Variants in DLG2 observed in about 807,000 individuals in gnomAD.
DLG2 encodes disks large homolog 2.
DLG2 carries 45 observed loss-of-function variants against 132.5 expected under a neutral mutation model. The observed-to-expected ratio is 0.34, with a 90% CI of 0.27 to 0.44. DLG2 has a LOEUF of 0.44. Ranked by LOEUF, DLG2 falls within the 20% of genes least tolerant of loss-of-function variation. The pLI is 1.00. For missense variants in DLG2, 1,045 were observed against 1,196.9 expected (o/e 0.87, Z 1.87); for synonymous variants, 424 against 419.6 (o/e 1.01, Z -0.13).
chr11:84,706,418 T>A (rs1204903894), intron 6 of DLG2, among the ~76,000 whole-genome samples: 1 of 151,790 alleles, frequency 6.6e-6, no homozygotes, highest in African/African-American at 2.4e-5. Flanking sequence ...ACTTTAGACA[T>A]ACTGTATAAA....
intron 3 of DLG2, among the ~76,000 whole-genome samples, chr11:85,287,018 G>A (rs1362545955): frequency 6.6e-6 from 1 of 151,930 alleles, no homozygotes; most frequent in Non-Finnish European, 1.5e-5. Context: ...ACCTAGTATT[G>A]GATTATAACA....
intron 7 of DLG2, among the ~76,000 whole-genome samples, chr11:84,429,718 T>A (rs2098978237): frequency 2.6e-5 from 4 of 152,356 alleles, no homozygotes; most frequent in South Asian, 4.1e-4. Flanking sequence ...GATTATCTGA[T>A]TATCAAATTT....
chr11:84,780,671 T>C (rs926617826), intron 6 of DLG2, among the ~76,000 whole-genome samples: 21 of 152,078 alleles, frequency 1.4e-4, no homozygotes, highest in African/African-American at 5.1e-4. Flanking sequence ...AATAGGTATG[T>C]GGTGACATCT....
intron 6 of DLG2, chr11:84,640,487 TAAAAAC>T (rs928594538): frequency 8.7e-6 from 4 of 460,196 alleles, no homozygotes; most frequent in Non-Finnish European, 1.5e-5. Context: ...CCACAACAGT[TAAAAAC>T]AAAGATATCA....
At chr11:83,894,197 C>T (rs2070859239) in intron 15 of DLG2, among the ~76,000 whole-genome samples, 1 of 152,164 alleles carries the variant, frequency 6.6e-6, no homozygotes, top group African/African-American at 2.4e-5. Context: ...TCTGTATCTA[C>T]TGAAATTCAG....
At chr11:85,380,811 C>T (rs2085823246) in intron 3 of DLG2, among the ~76,000 whole-genome samples, 1 of 152,170 alleles carries the variant, frequency 6.6e-6, no homozygotes. Context: ...GGAATGACAA[C>T]ACTTATAGGA....
In DLG2 at chr11:83,483,487, A is replaced by C. The variant is rs188776646; in HGVS notation, c.2293+642T>G. Among the ~76,000 whole-genome samples, 415 of 152,272 alleles carry C rather than the reference A, an allele frequency of 2.7e-3. 1 individual carries two copies. The highest frequency in any genetic ancestry group is 6.8e-3 in the Admixed American group (104 of 15,282). ...TCCTTGAGCTGAGATTCAAGAAGGA[A>C]ATTTCTGATTTGCAGAGCAACTCAA... On this transcript the variant is annotated intron_variant, in intron 22 of 27. Transcript: ENST00000376104.
chr11:84,774,581 G>A (rs546213315), intron 6 of DLG2, among the ~76,000 whole-genome samples: 5 of 152,218 alleles, frequency 3.3e-5, no homozygotes, highest in Middle Eastern at 3.4e-3. Flanking sequence ...AAACAGTATG[G>A]CACTGGTACA....
chr11:83,498,199 T>C (rs1196919453), intron 21 of DLG2, among the ~76,000 whole-genome samples: 2 of 152,142 alleles, frequency 1.3e-5, no homozygotes, highest in Non-Finnish European at 2.9e-5. Flanking sequence ...TATTATTTAA[T>C]CTCTGAGCCT....
chr11:84,426,367 T>C (rs2098966634), intron 7 of DLG2, among the ~76,000 whole-genome samples: 1 of 152,134 alleles, frequency 6.6e-6, no homozygotes, highest in South Asian at 2.1e-4. Flanking sequence ...GCATGAGAAG[T>C]TACTGTAGCA....
rs976908274 is a variant in DLG2 at position 84,216,267 on chromosome 11, A to C, written c.573+34971T>G. Among the ~76,000 whole-genome samples the C allele has an allele frequency of 1.8e-4, 28 of 152,136 alleles. 1 individual carries two copies. Among genetic ancestry groups the C allele is most frequent in the Admixed American group, 2.0e-4 (3 of 15,264 alleles). ...AGTTTCTCTTCTTATTTTAAGGCTC[A>C]TGTAATTACAGTGAATCCCCCCAGA... On this transcript the variant is annotated intron_variant, in intron 8 of 27. Transcript: ENST00000376104.
At chr11:85,466,790 T>A (rs989636469) in intron 3 of DLG2, among the ~76,000 whole-genome samples, 1 of 152,154 alleles carries the variant, frequency 6.6e-6, no homozygotes, top group Admixed American at 6.5e-5. Flanking sequence ...CTTGGCAATG[T>A]GGGTTCTTTT....
At chr11:84,503,388 G>A (rs978867532) in intron 7 of DLG2, among the ~76,000 whole-genome samples, 1 of 152,148 alleles carries the variant, frequency 6.6e-6, no homozygotes, top group African/African-American at 2.4e-5. Flanking sequence ...GATGCATAAA[G>A]ATCAGAACAA....
At chr11:84,807,583 A>T (rs965692032) in intron 6 of DLG2, among the ~76,000 whole-genome samples, 2 of 152,238 alleles carry the variant, frequency 1.3e-5, no homozygotes, top group Non-Finnish European at 2.9e-5. Flanking sequence ...GGTTAAAAAA[A>T]ATAAGCCAAC....
At chr11:84,088,407 T>C (rs2097029244) in intron 10 of DLG2, among the ~76,000 whole-genome samples, 1 of 150,934 alleles carries the variant, frequency 6.6e-6, no homozygotes, top group Non-Finnish European at 1.5e-5. Context: ...CAACGAGTCA[T>C]GTTTGCCACA....
rs192712617 is a variant in DLG2 at position 84,238,083 on chromosome 11, A to G, written c.573+13155T>C. Among the ~76,000 whole-genome samples, 51 of 151,718 alleles carry G rather than the reference A, an allele frequency of 3.4e-4. 1 individual carries two copies. The highest frequency in any genetic ancestry group is 3.2e-3 in the Admixed American group (48 of 15,224). On this transcript the variant is annotated intron_variant, in intron 8 of 27. Coordinates refer to ENST00000376104, the MANE Select transcript of DLG2 (RefSeq NM_001142699.3). ...AAAAAAAGAAAGAAAAGAAAAGAAA[A>G]AGAAAGACACTAGAGGGAAGTCAGT...
chr11:84,983,417 A>G (rs2056047040), intron 6 of DLG2, among the ~76,000 whole-genome samples: 1 of 152,130 alleles, frequency 6.6e-6, no homozygotes. Context: ...GGCTCTCAGG[A>G]AGCCACATCC....
At chr11:84,285,081 G>A (rs2097895717) in intron 7 of DLG2, among the ~76,000 whole-genome samples, 1 of 152,012 alleles carries the variant, frequency 6.6e-6, no homozygotes, top group African/African-American at 2.4e-5. Context: ...TATGTAAGTG[G>A]CTCCCTTGTT....
intron 17 of DLG2, among the ~76,000 whole-genome samples, chr11:83,792,298 A>G (rs957344559): frequency 3.3e-5 from 5 of 152,230 alleles, no homozygotes; most frequent in Admixed American, 6.5e-5. Flanking sequence ...CATTTTCAAA[A>G]TGATTATTTA....
Sources: allele counts gnomAD v4.1 joint callset (sites outside exome capture counted in the v4.1 genomes callset), GRCh38; gene constraint gnomAD v4.1.1; transcripts MANE v1.5; gene names NCBI Gene and HGNC (gene_info 2026-07-23, HGNC 2026-07-21).